HYI: variants seen among roughly 807,000 people sequenced by gnomAD.
HYI encodes the protein hydroxypyruvate isomerase (putative).
In HYI, 47 loss-of-function variants were observed where a neutral mutation model predicts 39.7. The observed-to-expected ratio is 1.18, with a 90% confidence interval of 0.94 to 1.51. The LOEUF (loss-of-function observed/expected upper bound fraction) is 1.51. Among genes scored for constraint, HYI ranks in the 40% most tolerant of loss-of-function variants. The pLI, the probability that HYI is intolerant of heterozygous loss-of-function variation, is 0.00. For missense variants in HYI, 465 were observed against 370.3 expected (o/e 1.26, Z -2.10); for synonymous variants, 186 against 158.8 (o/e 1.17, Z -1.29).
chr1:43,451,346 A>T, intron 7 of HYI, 35 bp from the exon 8 acceptor site: 1 of 1,612,824 alleles, frequency 6.2e-7, no homozygotes, highest in Non-Finnish European at 8.5e-7. Context: ...ACCTCAGCCC[A>T]CAAGGAGAAA....
At chr1:43,450,623 C>T (rs1047822776), downstream of HYI, 14 of 1,266,008 alleles carry the variant, frequency 1.1e-5, no homozygotes, top group African/African-American at 1.9e-4. This position sits in a 1 kb window ranked among gnomAD's most constrained non-coding sequence, Gnocchi z 4.3. Context: ...GTAACTATGT[C>T]TTGAGGGTCT....
rs1234772570 is a variant in HYI at position 43,453,578 on chromosome 1, C to T, written c.199+17G>A. The T allele has an allele frequency of 1.3e-6, 2 of 1,517,758 alleles. No individual in the cohort carries two copies. The highest frequency in any genetic ancestry group is 1.3e-5 in the South Asian group (1 of 79,676). 94.0% of individuals were successfully genotyped at this position (1,517,758 alleles called of 1,614,324 possible). On this transcript the variant is annotated intron_variant, in intron 1 of 7. Coordinates refer to ENST00000372430, the MANE Select transcript of HYI (RefSeq NM_001190880.3). ...GGCACCCCCCAGCCCTCCCAGCCCT[C>T]CCGGCCCGCGACGCACCCGGGGGCG...
rs117454252 is a variant in HYI at position 43,451,412 on chromosome 1, C to G, written c.758G>C (p.Arg253Pro). The G allele has an allele frequency of 1.2e-6, 2 of 1,612,572 alleles. No individual in the cohort carries two copies. Among genetic ancestry groups the G allele is most frequent in the Admixed American group, 1.7e-5 (1 of 60,036 alleles). The change falls in exon 7 of 8, where the codon CGA becomes CCA. Residue 253 changes from arginine (R) to proline (P), a missense_variant and splice_region_variant. By Grantham distance (103) the Arg-to-Pro change is moderately radical. Coordinates refer to ENST00000372430, the MANE Select transcript of HYI (RefSeq NM_001190880.3). ...CCTTCCCCAGGGCCACGCCTCACCT[C>G]GAGGCTGATACTCACAGCCCACGAA... ...KGFVGCEYQP[R>P]GDTVEGLSWL...
At position 43,453,710 on chromosome 1, in the gene HYI, G is replaced by T; in HGVS notation, c.84C>A (p.Gly28=). The change falls in exon 1 of 8, where the codon GGC becomes GGA. Residue 28 remains glycine (G), a synonymous_variant. Coordinates refer to ENST00000372430, the MANE Select transcript of HYI (RefSeq NM_001190880.3). ...SGLPARVRAA[G]SSGFEAVEVA... is the part of the protein sequence containing the mutation. ...CCTCGACGGCCTCGAAGCCCGAGCT[G>T]CCCGCGGCCCGCACCCGCGCGGGGA... is the stretch of plus-strand genomic sequence containing the variant. 1 of 1,406,790 alleles carries T rather than the reference G, an allele frequency of 7.1e-7. No individual in the cohort carries two copies. The allele number at this position is 1,406,790 out of a possible 1,614,324, so 87.1% of individuals were successfully genotyped here.
rs1227318981 is a variant in HYI at position 43,453,482 on chromosome 1, C to T, written c.215G>A (p.Gly72Glu). The change falls in exon 2 of 8, where the codon GGG (glycine) becomes GAG (glutamate). Residue 72 changes from glycine to glutamate, a missense_variant. By Grantham distance (98) the Gly-to-Glu change is moderately conservative. Transcript: ENST00000372430. ...INTPPGDQEK[G>E]EMGLGAVPGR... ...GGGGACGGCCCCCAGCCCCATTTCCCCCTTCTCTTGGTCTCCTGCAGAGAG... is the reference window on the plus strand; with the variant it reads ...GGGGACGGCCCCCAGCCCCATTTCCTCCTTCTCTTGGTCTCCTGCAGAGAG... 4 of 1,558,644 alleles carry T rather than the reference C, an allele frequency of 2.6e-6. No individual in the cohort carries two copies. In the African/African-American group the frequency reaches 4.1e-5, roughly 16 times the overall value.
intron 2 of HYI, 98 bp from the exon 3 acceptor site, chr1:43,452,417 G>A: frequency 2.1e-6 from 2 of 953,524 alleles, no homozygotes; most frequent in East Asian, 2.6e-5. Flanking sequence ...GTCTCCCCAG[G>A]TCTCCAGTCC....
chr1:43,451,572 G>C (rs1656426613), intron 6 of HYI, 28 bp from the exon 7 acceptor site: 1 of 1,613,450 alleles, frequency 6.2e-7, no homozygotes, highest in African/African-American at 1.3e-5. Context: ...CAAATGTGGG[G>C]TCCAGGCTCC....
intron 3 of HYI, 86 bp from the exon 4 acceptor site, chr1:43,452,099 TC>T (rs1656501017): frequency 1.3e-6 from 2 of 1,508,742 alleles, no homozygotes; most frequent in Non-Finnish European, 1.8e-6. Context: ...CCTCACCTGT[TC>T]CTCTGACCTA....
At position 43,451,241 on chromosome 1, in the gene HYI, C is replaced by A; in HGVS notation, c.831G>T (p.Gln277His). The change falls in exon 8 of 8, where the codon CAG (glutamine) becomes CAT (histidine). Residue 277 changes from glutamine (Q) to histidine (H), a missense_variant. By Grantham distance (24) the Gln-to-His change is conservative (BLOSUM62 0). Coordinates refer to ENST00000372430, the MANE Select transcript of HYI (RefSeq NM_001190880.3). The stretch of plus-strand genomic sequence containing the variant: ...CACGTGGGTGGTGTGCGGGCCCTCA[C>A]TGGCCAGCCTCTGGGTGGCCCCGCC... ...WDRRGHPEAG[Q>H] 1 of 1,613,966 alleles carries A rather than the reference C, an allele frequency of 6.2e-7. No homozygotes were observed. Among genetic ancestry groups the A allele is most frequent in the Non-Finnish European group, 8.5e-7 (1 of 1,179,982 alleles).
In HYI at chr1:43,453,418, G is replaced by A. The variant is rs1359759184; in HGVS notation, c.279C>T (p.Ala93=). 2.6e-6 allele frequency: 4 copies of A among 1,559,448 alleles called. No individual in the cohort carries two copies. The highest frequency in any genetic ancestry group is 1.7e-6 in the Non-Finnish European group (2 of 1,150,942). ...QAAFREGLEQ[A]VRYAKALGCP... ...AGCCCAGGGCTTTGGCATACCGCACGGCCTGCTCCAGTCCCTCTCGGAAGG... is the reference window on the plus strand; with the variant it reads ...AGCCCAGGGCTTTGGCATACCGCACAGCCTGCTCCAGTCCCTCTCGGAAGG... The change falls in exon 2 of 8, where the codon GCC becomes GCT. Residue 93 remains alanine, a synonymous_variant. Coordinates refer to ENST00000372430, the MANE Select transcript of HYI (RefSeq NM_001190880.3).
chr1:43,452,223 T>C lies in HYI; in HGVS notation c.408A>G (p.Ala136=), dbSNP rs768353407. Residue 136 remains alanine, a synonymous_variant, in exon 3 of 8, where the codon GCA becomes GCG. Coordinates refer to ENST00000372430, the MANE Select transcript of HYI (RefSeq NM_001190880.3). ...EAVFLENLRH[A]AGVLAQEDLV... Reference sequence around the variant, plus strand: ...TTCTCACCTGAGCCAAAACCCCAGCTGCATGCCTCAGGTTCTCCAGAAAAA... The same window carrying C: ...TTCTCACCTGAGCCAAAACCCCAGCCGCATGCCTCAGGTTCTCCAGAAAAA... 10 of 1,613,494 alleles carry C rather than the reference T, an allele frequency of 6.2e-6. No homozygotes were observed. Among genetic ancestry groups the C allele is most frequent in the Non-Finnish European group, 7.6e-6 (9 of 1,179,650 alleles).
chr1:43,451,658 C>T lies in HYI; in HGVS notation c.615G>A (p.Leu205=), dbSNP rs761690695. Reference sequence around the variant, plus strand: ...GGAAGGTCCTCTCACCAACAATGGGCAGGAACTCCCGGATGTTTCCTGTCA... The same window carrying T: ...GGAAGGTCCTCTCACCAACAATGGGTAGGAACTCCCGGATGTTTCCTGTCA... ...GNLTGNIREF[L]PIVGHVQVAQ... is the part of the protein sequence containing the mutation. Residue 205 remains leucine, a synonymous_variant, in exon 6 of 8, where the codon CTG becomes CTA. Transcript: ENST00000372430. The T allele has an allele frequency of 1.1e-5, 17 of 1,614,018 alleles. No homozygotes were observed. Among genetic ancestry groups the T allele is most frequent in the Admixed American group, 3.3e-5 (2 of 60,014 alleles).
chr1:43,451,566 T>A (rs1656424966), intron 6 of HYI, 22 bp from the exon 7 acceptor site: 5 of 1,613,010 alleles, frequency 3.1e-6, no homozygotes, highest in African/African-American at 1.3e-5. Context: ...TGTGGACAAA[T>A]GTGGGGTCCA....
rs889257441 is a variant in HYI at position 43,451,959 on chromosome 1, A to C, written c.481T>G (p.Tyr161Asp). The stretch of plus-strand genomic sequence containing the variant: ...CCCTGCTGGGGCGTGTCCAGGAAGT[A>C]CTGGGGGTCAGTGATGCGGGTGTTG... The part of the protein sequence containing the change: ...PINTRITDPQ[Y>D]FLDTPQQAAA... The change falls in exon 4 of 8, where the codon TAC (tyrosine) becomes GAC (aspartate). Residue 161 changes from tyrosine (Y) to aspartate (D), a missense_variant. Tyr to Asp is a radical substitution (Grantham distance 160). Transcript: ENST00000372430. 6.2e-7 allele frequency: 1 copy of C among 1,612,252 alleles called. No individual in the cohort carries two copies.
downstream of HYI, chr1:43,450,921 A>T (rs1223887229): frequency 2.7e-6 from 2 of 749,004 alleles, no homozygotes; most frequent in South Asian, 2.7e-5. This position sits in a 1 kb window ranked among gnomAD's most constrained non-coding sequence, Gnocchi z 4.3. Context: ...GGACATTCCC[A>T]TCGAGATGAC....
chr1:43,452,174 G>C (rs779289322), intron 3 of HYI, 31 bp downstream of exon 3: 1 of 1,563,740 alleles, frequency 6.4e-7, no homozygotes, highest in Non-Finnish European at 8.8e-7. Flanking sequence ...ACAGAGACAT[G>C]TAAGTACGTG....
At chr1:43,453,011 G>A in intron 2 of HYI, 2 of 1,520,218 alleles carry the variant, frequency 1.3e-6, no homozygotes, top group South Asian at 1.2e-5. Flanking sequence ...ACTCCTTGAA[G>A]ACAGTCCAAG....
Position 43,451,957 on chromosome 1 carries a change from G to A in HYI, c.483C>T (p.Tyr161=), listed in dbSNP as rs144501580. ...PINTRITDPQ[Y]FLDTPQQAAA... ...TACCCTGCTGGGGCGTGTCCAGGAAGTACTGGGGGTCAGTGATGCGGGTGT... is the reference window on the plus strand; with the variant it reads ...TACCCTGCTGGGGCGTGTCCAGGAAATACTGGGGGTCAGTGATGCGGGTGT... Residue 161 remains tyrosine (Y), a synonymous_variant, in exon 4 of 8, where the codon TAC becomes TAT. Transcript: ENST00000372430. The A allele has an allele frequency of 6.2e-7, 1 of 1,612,318 alleles. No individual in the cohort carries two copies. Among genetic ancestry groups the A allele is most frequent in the Non-Finnish European group, 8.5e-7 (1 of 1,178,724 alleles).
In HYI at chr1:43,453,507, G is replaced by A. The variant is rs1472680768; in HGVS notation, c.200-10C>T. On this transcript the variant is annotated splice_polypyrimidine_tract_variant and intron_variant, in intron 1 of 7. Coordinates refer to ENST00000372430, the MANE Select transcript of HYI (RefSeq NM_001190880.3). ...CCCTTCTCTTGGTCTCCTGCAGAGA[G>A]AACGGGCCTCAGCCCCCGGCTCGGA... 6.5e-7 allele frequency: 1 copy of A among 1,544,948 alleles called. No homozygotes were observed. The highest frequency in any genetic ancestry group is 8.7e-7 in the Non-Finnish European group (1 of 1,143,150).
Sources: gnomAD v4.1 joint callset for allele counts on GRCh38, gnomAD v4.1.1 for gene constraint, Gnocchi (gnomAD v3.1) non-coding constraint, MANE v1.5 for transcripts, NCBI Gene and HGNC (gene_info 2026-07-23, HGNC 2026-07-21) for gene names.